Variants in HIF1A observed in about 807,000 individuals in gnomAD.
The protein encoded by HIF1A is hypoxia-inducible factor 1-alpha.
HIF1A carries 24 observed loss-of-function variants against 92.7 expected under a neutral mutation model. The ratio of observed to expected loss-of-function variants is 0.26; its 90% CI spans 0.19 to 0.36. The LOEUF (loss-of-function observed/expected upper bound fraction) is 0.36. Among genes scored for constraint, HIF1A ranks in the 10% least tolerant of loss-of-function variants. The pLI, the probability that HIF1A is intolerant of heterozygous loss-of-function variation, is 1.00. For synonymous variants in HIF1A, 319 were observed against 338.7 expected (o/e 0.94, Z 0.64); for missense variants, 799 against 998.5 (o/e 0.80, Z 2.69).
chr14:61,706,410 G>A (rs1352233678), intron 1 of HIF1A, among the ~76,000 whole-genome samples: 37 of 152,084 alleles, frequency 2.4e-4, no homozygotes, highest in Admixed American at 2.4e-3. Context: ...TTTACTAAAC[G>A]CACACTTGTT....
Position 61,738,357 on chromosome 14 carries a change from G to A in HIF1A, c.1520G>A (p.Arg507Lys). Residue 507 changes from arginine (R) to lysine (K), a missense_variant, in exon 10 of 15, where the codon AGA (arginine) becomes AAA (lysine). Arg to Lys is a conservative substitution (Grantham distance 26). Transcript: ENST00000337138. ...CCTAGTCCTTCCGATGGAAGCACTA[G>A]ACAAAGTTCACCTGAGGTAGGTGTC... ...QTPSPSDGST[R>K]QSSPEPNSPS... is the part of the protein sequence containing the mutation. 6.2e-7 allele frequency: 1 copy of A among 1,606,228 alleles called. No individual in the cohort carries two copies. The highest frequency in any genetic ancestry group is 8.5e-7 in the Non-Finnish European group (1 of 1,176,040).
chr14:61,707,876 C>T (rs1054647422), intron 1 of HIF1A, among the ~76,000 whole-genome samples: 11 of 151,904 alleles, frequency 7.2e-5, no homozygotes, highest in Admixed American at 3.9e-4. Flanking sequence ...CCTGAGGAAT[C>T]GCCACACTGA....
At chr14:61,706,736 G>A (rs1022751444) in intron 1 of HIF1A, among the ~76,000 whole-genome samples, 1 of 152,154 alleles carries the variant, frequency 6.6e-6, no homozygotes, top group Non-Finnish European at 1.5e-5. Flanking sequence ...TTTTGGGATG[G>A]AACTCAGGGA....
intron 8 of HIF1A, among the ~76,000 whole-genome samples, chr14:61,734,981 G>A (rs941647767): frequency 6.6e-6 from 1 of 152,152 alleles, no homozygotes; most frequent in African/African-American, 2.4e-5. Context: ...GTATATTCAT[G>A]AACTCTTCAC....
chr14:61,748,058 T>A lies in HIF1A; in HGVS notation c.*973T>A, dbSNP rs915224690. ...TTGATTTTATGCACTTTGTCGCTAT[T>A]AACATCCTTTTTTTCATGTAGATTT... On this transcript the variant is annotated 3_prime_UTR_variant, in exon 15 of 15. Coordinates refer to ENST00000337138, the MANE Select transcript of HIF1A (RefSeq NM_001530.4). 2.0e-5 allele frequency: 3 copies of A among 152,582 alleles called. No homozygotes were observed. Among genetic ancestry groups the A allele is most frequent in the African/African-American group, 7.2e-5 (3 of 41,470 alleles). 9.5% of individuals were successfully genotyped at this position (152,582 alleles called of 1,614,324 possible).
intron 1 of HIF1A, among the ~76,000 whole-genome samples, chr14:61,705,235 G>C (rs751462461): frequency 1.3e-5 from 2 of 152,060 alleles, no homozygotes; most frequent in Non-Finnish European, 2.9e-5. Context: ...TGGTCATTTG[G>C]TAACAGTTTG....
At chr14:61,746,101 G>C (rs990481267) in intron 14 of HIF1A, among the ~76,000 whole-genome samples, 1 of 151,692 alleles carries the variant, frequency 6.6e-6, no homozygotes, top group Non-Finnish European at 1.5e-5. Context: ...GCGGGCGCCT[G>C]TAATCCCAGC....
chr14:61,708,184 T>C lies in HIF1A; in HGVS notation c.36-12198T>C, dbSNP rs550469368. On this transcript the variant is annotated intron_variant, in intron 1 of 14. Coordinates refer to ENST00000337138, the MANE Select transcript of HIF1A (RefSeq NM_001530.4). ...TTTCTTGTAAATTTGTTTGAGTTCA[T>C]TGTAGATTCTGGATACTAGCCCTTT... 5.9e-3 allele frequency among the ~76,000 whole-genome samples: 902 copies of C among 152,338 alleles called. 12 individuals carry two copies. The highest frequency in any genetic ancestry group is 0.02 in the African/African-American group (841 of 41,568).
intron 1 of HIF1A, among the ~76,000 whole-genome samples, chr14:61,710,891 T>A (rs1040364253): frequency 1.3e-5 from 2 of 151,972 alleles, no homozygotes; most frequent in Non-Finnish European, 2.9e-5. Context: ...AAACCCCATC[T>A]CTAGTAAAAA....
chr14:61,707,915 T>C (rs544449299), intron 1 of HIF1A, among the ~76,000 whole-genome samples: 53 of 152,232 alleles, frequency 3.5e-4, no homozygotes, highest in African/African-American at 1.2e-3. Flanking sequence ...TAGTTTACAG[T>C]CCCACTAACA....
At chr14:61,728,099 G>C (rs79678604) in intron 6 of HIF1A, among the ~76,000 whole-genome samples, 5,122 of 151,746 alleles carry the variant, frequency 0.034, 141 homozygotes, top group South Asian at 0.052. Context: ...TATAATATTA[G>C]ATTAACTTTG....
At chr14:61,722,666 G>A (rs2044448072) in intron 4 of HIF1A, among the ~76,000 whole-genome samples, 1 of 152,178 alleles carries the variant, frequency 6.6e-6, no homozygotes, top group African/African-American at 2.4e-5. Flanking sequence ...AAGTTCACCA[G>A]AATTTTAAGA....
chr14:61,736,442 G>C (rs1021883456), intron 8 of HIF1A, among the ~76,000 whole-genome samples: 1 of 152,120 alleles, frequency 6.6e-6, no homozygotes, highest in Non-Finnish European at 1.5e-5. Context: ...CTGTCACCCA[G>C]GTAGTGAGCA....
At chr14:61,711,054 A>G (rs894879621) in intron 1 of HIF1A, among the ~76,000 whole-genome samples, 1 of 151,610 alleles carries the variant, frequency 6.6e-6, no homozygotes, top group Non-Finnish European at 1.5e-5. Context: ...TCTCAAAAAA[A>G]AAAAAAAAAA....
chr14:61,740,632 A>G lies in HIF1A; in HGVS notation c.1659+5A>G, dbSNP rs200439820. 58 of 1,583,038 alleles carry G rather than the reference A, an allele frequency of 3.7e-5. No homozygotes were observed. The highest frequency in any genetic ancestry group is 4.7e-5 in the Non-Finnish European group (55 of 1,170,508). ...AAGAACCCATTTTCTACTCAGGTAT[A>G]TGAACTTATTTGTTTTATATTAAAT... On this transcript the variant is annotated splice_donor_5th_base_variant and intron_variant, in intron 11 of 14. Coordinates refer to ENST00000337138, the MANE Select transcript of HIF1A (RefSeq NM_001530.4).
intron 1 of HIF1A, among the ~76,000 whole-genome samples, chr14:61,719,237 T>A (rs1486571742): frequency 3.9e-5 from 6 of 152,182 alleles, no homozygotes; most frequent in Admixed American, 3.3e-4. Flanking sequence ...ATAATAGCTG[T>A]TTTTAACATT....
chr14:61,740,932 A>C lies in HIF1A; in HGVS notation c.1837A>C (p.Asn613His). 1 of 1,614,212 alleles carries C rather than the reference A, an allele frequency of 6.2e-7. No homozygotes were observed. The highest frequency in any genetic ancestry group is 8.5e-7 in the Non-Finnish European group (1 of 1,180,020). The change falls in exon 12 of 15, where the codon AAT (asparagine) becomes CAT (histidine). Residue 613 changes from asparagine to histidine, a missense_variant. Physicochemically the swap from Asn to His is moderately conservative, Grantham distance 68 (BLOSUM62 1). Transcript: ENST00000337138. ...GACTCAAATACAAGAACCTACTGCT[A>C]ATGCCACCACTACCACTGCCACCAC... ...QQTQIQEPTA[N>H]ATTTTATTDE...
In HIF1A at chr14:61,720,487, A is replaced by T; in HGVS notation, c.141A>T (p.Pro47=). The change falls in exon 2 of 15, where the codon CCA becomes CCT. Residue 47 remains proline, a synonymous_variant. Transcript: ENST00000337138. Reference sequence around the variant, plus strand: ...AGCTTGCTCATCAGTTGCCACTTCCACATAATGTGAGTTCGCATCTTGATA... The same window carrying T: ...AGCTTGCTCATCAGTTGCCACTTCCTCATAATGTGAGTTCGCATCTTGATA... ...FYELAHQLPL[P]HNVSSHLDKA... 1.2e-6 allele frequency: 2 copies of T among 1,613,732 alleles called. No homozygotes were observed. Among genetic ancestry groups the T allele is most frequent in the Non-Finnish European group, 1.7e-6 (2 of 1,179,778 alleles).
At position 61,745,796 on chromosome 14, in the gene HIF1A, A is replaced by G. The variant is rs759997712; in HGVS notation, c.2308A>G (p.Thr770Ala). The change falls in exon 14 of 15, where the codon ACA (threonine) becomes GCA (alanine). Residue 770 changes from threonine (T) to alanine (A), a missense_variant. Coordinates refer to ENST00000337138, the MANE Select transcript of HIF1A (RefSeq NM_001530.4). ...SSEQNGMEQK[T>A]IILIPSDLAC... is the part of the protein sequence containing the mutation. ...TGAACAGAATGGAATGGAGCAAAAG[A>G]CAATTATTTTAATACCCTCTGGTTA... The G allele has an allele frequency of 2.5e-6, 4 of 1,611,690 alleles. No homozygotes were observed. The highest frequency in any genetic ancestry group is 3.4e-6 in the Non-Finnish European group (4 of 1,178,444).
Sources: gnomAD v4.1 joint callset for allele counts (sites outside exome capture counted in the v4.1 genomes callset) on GRCh38, gnomAD v4.1.1 for gene constraint, MANE v1.5 for transcripts, NCBI Gene and HGNC (gene_info 2026-07-23, HGNC 2026-07-21) for gene names.